Variants in ATRNL1 observed in about 807,000 individuals in gnomAD.
ATRNL1 encodes attractin like 1, also known as attractin-like protein 1.
In ATRNL1, 95 loss-of-function variants were observed where a neutral mutation model predicts 182.7. That is an observed-to-expected ratio of 0.52 (90% CI 0.44 to 0.62). The LOEUF is 0.62. Ranked by LOEUF, ATRNL1 falls within the 20% of genes least tolerant of loss-of-function variation. The probability of loss-of-function intolerance (pLI) is 0.00; values close to 1 mark genes in which losing one functional copy is unlikely to be tolerated. For synonymous variants in ATRNL1, 576 were observed against 568.3 expected (o/e 1.01, Z -0.19); for missense variants, 1,471 against 1,679.5 (o/e 0.88, Z 2.17).
At chr10:115,194,415 G>A (rs1284964124) in intron 8 of ATRNL1, among the ~76,000 whole-genome samples, 1 of 151,956 alleles carries the variant, frequency 6.6e-6, no homozygotes, top group Non-Finnish European at 1.5e-5. Flanking sequence ...TCATCTTGCT[G>A]AAGAGACTCC....
In ATRNL1 at chr10:115,381,432, A is replaced by ATT. The variant is rs375127246; in HGVS notation, c.3176-13211_3176-13210dup. Among the ~76,000 whole-genome samples, 130 of 68,534 alleles carry ATT rather than the reference A, an allele frequency of 1.9e-3. 12 individuals are homozygous for ATT. The highest frequency in any genetic ancestry group is 6.1e-3 in the African/African-American group (102 of 16,702). The allele number at this position is 68,534 out of a possible 152,430, so 45.0% of individuals were successfully genotyped here. On this transcript the variant is annotated intron_variant, in intron 19 of 28. Coordinates refer to ENST00000355044, the MANE Select transcript of ATRNL1 (RefSeq NM_207303.4). ...CAGGCACATGCCACCATACCTGGCA[A>ATT]TTTTTTTTTTTTTTTTTAGTAGACA...
intron 26 of ATRNL1, among the ~76,000 whole-genome samples, chr10:115,570,635 T>C (rs2133861149): frequency 6.6e-6 from 1 of 152,312 alleles, no homozygotes; most frequent in East Asian, 1.9e-4. Context: ...CTGTACTCTC[T>C]GTATTGACTG....
At chr10:115,494,291 T>C (rs1186743244) in intron 24 of ATRNL1, among the ~76,000 whole-genome samples, 2 of 152,182 alleles carry the variant, frequency 1.3e-5, no homozygotes, top group Non-Finnish European at 2.9e-5. Context: ...GAGAGATAGT[T>C]TGACTTCCTC....
At chr10:115,135,336 A>C (rs1368086867) in intron 5 of ATRNL1, among the ~76,000 whole-genome samples, 2 of 152,226 alleles carry the variant, frequency 1.3e-5, no homozygotes, top group Non-Finnish European at 2.9e-5. Context: ...ACTTCAGCAA[A>C]GTCTCAGGAT....
chr10:115,895,870 A>G (rs1332284989), intron 28 of ATRNL1, among the ~76,000 whole-genome samples: 2 of 152,216 alleles, frequency 1.3e-5, no homozygotes, highest in Non-Finnish European at 2.9e-5. Flanking sequence ...GAATTTGCCA[A>G]GTGGTTCAAA....
In ATRNL1 at chr10:115,113,946, T is replaced by G. The variant is rs570436110; in HGVS notation, c.294-6239T>G. On this transcript the variant is annotated intron_variant, in intron 1 of 28. Coordinates refer to ENST00000355044, the MANE Select transcript of ATRNL1 (RefSeq NM_207303.4). ...AAAGCTTCTTGACTTTGATGGAACT[T>G]ATGTTGAAAAATAAAGTTTATATTT... is the stretch of plus-strand genomic sequence containing the variant. Among the ~76,000 whole-genome samples the G allele has an allele frequency of 3.3e-5, 5 of 152,274 alleles. No homozygotes were observed. The East Asian group carries it at 9.6e-4, about 29-fold the overall frequency.
intron 26 of ATRNL1, among the ~76,000 whole-genome samples, chr10:115,706,013 G>C (rs1447983711): frequency 6.6e-6 from 1 of 151,854 alleles, no homozygotes; most frequent in Non-Finnish European, 1.5e-5. Context: ...CCACTTAGCT[G>C]TCATATTAGT....
intron 27 of ATRNL1, among the ~76,000 whole-genome samples, chr10:115,798,737 A>C (rs553823859): frequency 6.6e-6 from 1 of 152,220 alleles, no homozygotes; most frequent in African/African-American, 2.4e-5. Flanking sequence ...CTCTCCAATT[A>C]GAATAAACTA....
At chr10:115,471,110 A>G (rs1848289661) in intron 24 of ATRNL1, among the ~76,000 whole-genome samples, 1 of 150,746 alleles carries the variant, frequency 6.6e-6, no homozygotes. Flanking sequence ...ATGTTGTCAC[A>G]AATAGCAAGA....
chr10:115,264,710 A>G (rs913002551), intron 10 of ATRNL1, among the ~76,000 whole-genome samples: 4 of 151,634 alleles, frequency 2.6e-5, no homozygotes, highest in Non-Finnish European at 3.0e-5. Flanking sequence ...TGAGAATTCA[A>G]ATCATTAAAG....
At chr10:115,330,554 A>G (rs1855158745) in intron 18 of ATRNL1, among the ~76,000 whole-genome samples, 1 of 151,280 alleles carries the variant, frequency 6.6e-6, no homozygotes, top group Non-Finnish European at 1.5e-5. Context: ...TCTATACGGT[A>G]TTCTTGGCAG....
intron 25 of ATRNL1, among the ~76,000 whole-genome samples, chr10:115,528,061 C>G (rs1371404794): frequency 3.0e-5 from 3 of 100,836 alleles, no homozygotes; most frequent in Admixed American, 1.0e-4. Flanking sequence ...TTCCTTCCTT[C>G]CTTCCTTCCT....
chr10:115,779,483 T>G (rs1949209968), intron 27 of ATRNL1, among the ~76,000 whole-genome samples: 1 of 152,198 alleles, frequency 6.6e-6, no homozygotes, highest in Non-Finnish European at 1.5e-5. Context: ...AGCTAGTGGA[T>G]CTTAAGCCAA....
intron 26 of ATRNL1, among the ~76,000 whole-genome samples, chr10:115,555,174 T>C (rs1238861542): frequency 6.6e-6 from 1 of 151,778 alleles, no homozygotes; most frequent in Non-Finnish European, 1.5e-5. Context: ...TTCAACCTCA[T>C]AAAATCCACA....
At chr10:115,168,704 T>C (rs1325112083) in intron 7 of ATRNL1, among the ~76,000 whole-genome samples, 1 of 152,132 alleles carries the variant, frequency 6.6e-6, no homozygotes, top group African/African-American at 2.4e-5. Context: ...ATGTTCTAGA[T>C]ACAAGCCATT....
chr10:115,244,376 G>A (rs1243616216), intron 10 of ATRNL1, among the ~76,000 whole-genome samples: 15 of 152,112 alleles, frequency 9.9e-5, no homozygotes, highest in Non-Finnish European at 1.9e-4. Flanking sequence ...CATGATGGAT[G>A]TAGAAGGCAT....
At chr10:115,578,112 C>T (rs182030789) in intron 26 of ATRNL1, among the ~76,000 whole-genome samples, 90 of 151,836 alleles carry the variant, frequency 5.9e-4, no homozygotes, top group African/African-American at 1.6e-3. Flanking sequence ...TTCACTTAGT[C>T]ATGGTGAATA....
intron 24 of ATRNL1, among the ~76,000 whole-genome samples, chr10:115,514,270 G>A (rs916248966): frequency 6.6e-6 from 1 of 151,778 alleles, no homozygotes; most frequent in Non-Finnish European, 1.5e-5. Context: ...CTTATTCTCT[G>A]AAAACAAGCT....
At chr10:115,549,396 G>GT (rs1852840566) in intron 25 of ATRNL1, 62 bp from the exon 26 acceptor site, 4 of 1,267,576 alleles carry the variant, frequency 3.2e-6, no homozygotes, top group South Asian at 1.5e-5. Flanking sequence ...TTCATGTACT[G>GT]TTTTTTCATT....
Sources: gnomAD v4.1 joint callset for allele counts (sites outside exome capture counted in the v4.1 genomes callset) on GRCh38, gnomAD v4.1.1 for gene constraint, MANE v1.5 for transcripts, NCBI Gene and HGNC (gene_info 2026-07-23, HGNC 2026-07-21) for gene names.